The following RORA variants were observed in gnomAD, a reference collection of about 807,000 sequenced individuals.
The protein encoded by RORA is nuclear receptor ROR-alpha.
Under a neutral mutation model 69.5 loss-of-function variants are expected in RORA, and 7 were observed. That is an observed-to-expected ratio of 0.10 (90% CI 0.06 to 0.19). The LOEUF (loss-of-function observed/expected upper bound fraction) is 0.19, where lower values mean the gene tolerates loss of function less well. Ranked by LOEUF, RORA falls within the 10% of genes least tolerant of loss-of-function variation. The pLI, the probability that RORA is intolerant of heterozygous loss-of-function variation, is 1.00. For missense variants in RORA, 457 were observed against 663.0 expected (o/e 0.69, Z 3.41); for synonymous variants, 261 against 240.8 (o/e 1.08, Z -0.78).
intron 2 of RORA, among the ~76,000 whole-genome samples, chr15:60,562,908 G>A (rs2067614047): frequency 6.6e-6 from 1 of 152,014 alleles, no homozygotes; most frequent in Admixed American, 6.6e-5. Flanking sequence ...ATAAATTCTT[G>A]GTAAACAATT....
chr15:60,768,674 A>G (rs1447619267), intron 1 of RORA, among the ~76,000 whole-genome samples: 2 of 152,220 alleles, frequency 1.3e-5, no homozygotes, highest in African/African-American at 4.8e-5. Context: ...CCATCTCACA[A>G]CTGAATCATA....
rs545168599 is a variant in RORA at position 60,943,916 on chromosome 15, CAAAAAAAAA to C, written c.167-265239_167-265231del. On this transcript the variant is annotated intron_variant, in intron 1 of 10. Transcript: ENST00000335670. ...GGGTGACAGAGCCAGACTCCATCTCCAAAAAAAAAAAAAAAAAAAAAAAAGTGAGTAATG... is the reference window on the plus strand; with the variant it reads ...GGGTGACAGAGCCAGACTCCATCTCCAAAAAAAAAAAAAAAGTGAGTAATG... Among the ~76,000 whole-genome samples, 12 of 32,330 alleles carry C rather than the reference CAAAAAAAAA, an allele frequency of 3.7e-4. 1 individual carries two copies. The highest frequency in any genetic ancestry group is 4.7e-4 in the Non-Finnish European group (8 of 17,086). The allele number at this position is 32,330 out of a possible 152,430, so 21.2% of individuals were successfully genotyped here. A position where few individuals can be genotyped will look rare whatever the true frequency, so the allele number is the denominator to read the frequency against.
chr15:60,756,437 TAA>T (rs1374995959), intron 1 of RORA, among the ~76,000 whole-genome samples: 6 of 152,244 alleles, frequency 3.9e-5, no homozygotes, highest in Admixed American at 3.9e-4. Context: ...GAAAAGTTTA[TAA>T]AGACTGTGCA....
chr15:61,189,922 G>GA (rs985963983), intron 1 of RORA, among the ~76,000 whole-genome samples: 8 of 142,276 alleles, frequency 5.6e-5, no homozygotes, highest in South Asian at 2.3e-4. Context: ...ATTTATCATG[G>GA]AAAAAAAACA....
chr15:60,960,075 A>G (rs79528296), intron 1 of RORA, among the ~76,000 whole-genome samples: 5,271 of 152,248 alleles, frequency 0.035, 345 homozygotes, highest in African/African-American at 0.12. Context: ...GGAATGAGGA[A>G]AAAAATTGCC....
intron 1 of RORA, among the ~76,000 whole-genome samples, chr15:60,987,163 G>A (rs1334064451): frequency 6.6e-6 from 1 of 152,146 alleles, no homozygotes; most frequent in Non-Finnish European, 1.5e-5. Flanking sequence ...CAGATTTCAG[G>A]ACTAAAGACA....
chr15:61,132,457 A>C (rs1241537927), intron 1 of RORA, among the ~76,000 whole-genome samples: 1 of 152,182 alleles, frequency 6.6e-6, no homozygotes, highest in African/African-American at 2.4e-5. Context: ...TACATATCCC[A>C]GTTCCGGATA....
intron 1 of RORA, among the ~76,000 whole-genome samples, chr15:61,206,172 A>G (rs1567037137): frequency 5.1e-5 from 2 of 39,352 alleles, no homozygotes; most frequent in South Asian, 3.1e-3. Flanking sequence ...GGATGCAGAT[A>G]ATACTTTATT....
intron 5 of RORA, among the ~76,000 whole-genome samples, chr15:60,510,248 C>T (rs180970424): frequency 6.6e-6 from 1 of 152,260 alleles, no homozygotes; most frequent in Admixed American, 6.5e-5. Context: ...TGAGGAACCA[C>T]CAGGAGGAGC....
chr15:61,090,613 G>A (rs772011645), intron 1 of RORA, among the ~76,000 whole-genome samples: 2 of 152,206 alleles, frequency 1.3e-5, no homozygotes, highest in East Asian at 1.9e-4. Flanking sequence ...AATTTTTGTT[G>A]AGGCAGAACA....
intron 1 of RORA, among the ~76,000 whole-genome samples, chr15:61,109,160 C>T (rs1394837994): frequency 6.6e-6 from 1 of 152,214 alleles, no homozygotes; most frequent in East Asian, 1.9e-4. Flanking sequence ...CGCGCCACTA[C>T]ACTCCAGCCT....
At chr15:61,049,026 T>C (rs1451816979) in intron 1 of RORA, among the ~76,000 whole-genome samples, 3 of 152,178 alleles carry the variant, frequency 2.0e-5, no homozygotes, top group African/African-American at 7.2e-5. Flanking sequence ...TCATTCCCCC[T>C]TGGACACCCC....
rs759224994 is a variant in RORA, at chr15:60,558,309, G to A, written c.197-26458C>T. ...GGAGAATCCCAAAAAGTTCATCCCT[G>A]GAACGAAAATGATAGCCTATCTCAA... On this transcript the variant is annotated intron_variant, in intron 2 of 10. Transcript: ENST00000335670. The A allele has an allele frequency of 5.6e-6, 9 of 1,605,576 alleles. No individual in the cohort carries two copies. Among genetic ancestry groups the A allele is most frequent in the Non-Finnish European group, 6.8e-6 (8 of 1,173,142 alleles).
chr15:60,566,290 C>G (rs1383339389), intron 2 of RORA, among the ~76,000 whole-genome samples: 1 of 152,154 alleles, frequency 6.6e-6, no homozygotes, highest in Non-Finnish European at 1.5e-5. Flanking sequence ...ACTCATCACT[C>G]AAGTTTTCCT....
intron 1 of RORA, among the ~76,000 whole-genome samples, chr15:60,755,158 C>T (rs1233955101): frequency 3.0e-5 from 4 of 134,422 alleles, no homozygotes; most frequent in Non-Finnish European, 6.3e-5. Flanking sequence ...CAACAGGCCC[C>T]GGTGTGTGAT....
chr15:61,157,443 T>C (rs1179095689), intron 1 of RORA, among the ~76,000 whole-genome samples: 1 of 152,138 alleles, frequency 6.6e-6, no homozygotes, highest in South Asian at 2.1e-4. Flanking sequence ...CTAAGTGATA[T>C]AGTGAATATG....
At chr15:60,501,479 CTG>C (rs1487156412) in intron 8 of RORA, among the ~76,000 whole-genome samples, 1 of 152,108 alleles carries the variant, frequency 6.6e-6, no homozygotes, top group African/African-American at 2.4e-5. Context: ...GGTAAGGAAA[CTG>C]AGACTTGGAG....
chr15:61,002,769 G>A (rs1894782176), intron 1 of RORA, among the ~76,000 whole-genome samples: 1 of 152,092 alleles, frequency 6.6e-6, no homozygotes, highest in Non-Finnish European at 1.5e-5. Context: ...GATACACCCA[G>A]CCAGGGAATA....
At chr15:61,042,532 G>A (rs1249310631) in intron 1 of RORA, among the ~76,000 whole-genome samples, 3 of 152,192 alleles carry the variant, frequency 2.0e-5, no homozygotes, top group African/African-American at 7.2e-5. Context: ...CTCAAGAGCT[G>A]CTAGCCCTTT....
Sources: gnomAD v4.1 joint callset for allele counts (sites outside exome capture counted in the v4.1 genomes callset) on GRCh38, gnomAD v4.1.1 for gene constraint, MANE v1.5 for transcripts, NCBI Gene and HGNC (gene_info 2026-07-23, HGNC 2026-07-21) for gene names.